Variants in TRAPPC10 observed in about 807,000 individuals in gnomAD.
The protein encoded by TRAPPC10 is trafficking protein particle complex subunit 10, also known as TRAPP 130 kDa subunit.
Under a neutral mutation model 125.5 loss-of-function variants are expected in TRAPPC10, and 23 were observed. The ratio of observed to expected loss-of-function variants is 0.18; its 90% CI spans 0.13 to 0.26. TRAPPC10 has a LOEUF of 0.26. Ranked by LOEUF, TRAPPC10 falls within the 10% of genes least tolerant of loss-of-function variation. The probability of loss-of-function intolerance (pLI) is 1.00; values close to 1 mark genes in which losing one functional copy is unlikely to be tolerated. For synonymous variants in TRAPPC10, 509 were observed against 518.0 expected, an observed-to-expected ratio of 0.98 and a Z score of 0.24; for missense variants, 1,123 against 1,308.4, an observed-to-expected ratio of 0.86 and a Z score of 2.19.
At chr21:44,046,428 C>A in intron 3 of TRAPPC10, 1 of 281,366 alleles carries the variant, frequency 3.6e-6, no homozygotes, top group South Asian at 4.6e-5. Context: ...CAATTGTAGC[C>A]TTGACAAGAG....
intron 1 of TRAPPC10, among the ~76,000 whole-genome samples, chr21:44,022,163 C>G (rs2032580791): frequency 6.6e-6 from 1 of 151,590 alleles, no homozygotes; most frequent in African/African-American, 2.4e-5. Flanking sequence ...AGCTGGAGTG[C>G]AGTGGCACAA....
rs2038775339 is a variant in TRAPPC10 at position 44,094,244 on chromosome 21, T to A, written c.3168+11T>A. Reference sequence around the variant, plus strand: ...GTGGAAAATTTTTTTGTAAGTGATGTATTATTTTGGGAGGGTGGGGGTGAA... The same window carrying A: ...GTGGAAAATTTTTTTGTAAGTGATGAATTATTTTGGGAGGGTGGGGGTGAA... On this transcript the variant is annotated intron_variant, in intron 20 of 22. Transcript: ENST00000291574. 13 of 1,535,274 alleles carry A rather than the reference T, an allele frequency of 8.5e-6. No homozygotes were observed. Among genetic ancestry groups the A allele is most frequent in the Non-Finnish European group, 1.1e-5 (13 of 1,149,306 alleles).
rs534853890 is a variant in TRAPPC10 at position 44,082,701 on chromosome 21, G to A, written c.1724-87G>A. ...CTGCTGCTTGCTTCAGTCTGCTCTC[G>A]GTGATCTTACTGTGTCCGCGGCCTG... is the stretch of plus-strand genomic sequence containing the variant. On this transcript the variant is annotated intron_variant, in intron 13 of 22. Coordinates refer to ENST00000291574, the MANE Select transcript of TRAPPC10 (RefSeq NM_003274.5). This position sits in a 1 kb window ranked among gnomAD's most constrained non-coding sequence, Gnocchi z 4.4. 1.9e-5 allele frequency: 28 copies of A among 1,475,084 alleles called. No homozygotes were observed. Among genetic ancestry groups the A allele is most frequent in the East Asian group, 4.5e-5 (2 of 44,106 alleles). 91.4% of individuals were successfully genotyped at this position (1,475,084 alleles called of 1,614,324 possible). A position where few individuals can be genotyped will look rare whatever the true frequency, so the allele number is the denominator to read the frequency against.
At chr21:44,019,662 C>T (rs1313631680) in intron 1 of TRAPPC10, among the ~76,000 whole-genome samples, 1 of 152,174 alleles carries the variant, frequency 6.6e-6, no homozygotes, top group African/African-American at 2.4e-5. Flanking sequence ...GGGATAATCA[C>T]ATCTTGAGCT....
At chr21:44,070,092 G>A (rs1646602004) in intron 7 of TRAPPC10, among the ~76,000 whole-genome samples, 1 of 152,150 alleles carries the variant, frequency 6.6e-6, no homozygotes. Context: ...GGAGGGGCTG[G>A]TGACTGGCAG....
chr21:44,072,300 C>T (rs940388861), intron 7 of TRAPPC10, among the ~76,000 whole-genome samples: 1 of 152,200 alleles, frequency 6.6e-6, no homozygotes, highest in African/African-American at 2.4e-5. Context: ...GGTCGCGGAG[C>T]GGCCCTCGTG....
At chr21:44,068,202 A>G (rs2036593641) in intron 7 of TRAPPC10, among the ~76,000 whole-genome samples, 1 of 151,944 alleles carries the variant, frequency 6.6e-6, no homozygotes, top group South Asian at 2.1e-4. Context: ...TAGGCACTGT[A>G]TTTTCAGCAG....
At chr21:44,093,624 G>A (rs965369367) in intron 19 of TRAPPC10, among the ~76,000 whole-genome samples, 5 of 152,028 alleles carry the variant, frequency 3.3e-5, no homozygotes, top group Admixed American at 3.3e-4. Flanking sequence ...TGGGCATGGC[G>A]GCGTGCATCT....
In TRAPPC10 at chr21:44,083,269, A is replaced by G; in HGVS notation, c.2205A>G (p.Glu735=). Reference sequence around the variant, plus strand: ...TGAGGTGCAGCCACGTGACCCTGGAACCAGGGGCCAACCAGATAACATTCA... The same window carrying G: ...TGAGGTGCAGCCACGTGACCCTGGAGCCAGGGGCCAACCAGATAACATTCA... ...HVLRCSHVTL[E]PGANQITFRT... The change falls in exon 14 of 23, where the codon GAA becomes GAG. Residue 735 remains glutamate (E), a synonymous_variant. Transcript: ENST00000291574. 6.2e-7 allele frequency: 1 copy of G among 1,614,032 alleles called. No homozygotes were observed. The highest frequency in any genetic ancestry group is 8.5e-7 in the Non-Finnish European group (1 of 1,179,990).
intron 1 of TRAPPC10, among the ~76,000 whole-genome samples, chr21:44,018,354 G>C (rs1162427008): frequency 1.3e-5 from 2 of 151,318 alleles, no homozygotes; most frequent in Non-Finnish European, 1.5e-5. Context: ...GCAGTGATCT[G>C]TGATTGTACC....
At chr21:44,014,109 A>G (rs892927823) in intron 1 of TRAPPC10, among the ~76,000 whole-genome samples, 2 of 152,076 alleles carry the variant, frequency 1.3e-5, no homozygotes, top group African/African-American at 2.4e-5. Context: ...TTTATCTTCT[A>G]CCTCCTAGCT....
chr21:44,062,329 A>G (rs997277796), intron 6 of TRAPPC10, among the ~76,000 whole-genome samples: 2 of 152,192 alleles, frequency 1.3e-5, no homozygotes, highest in African/African-American at 4.8e-5. Flanking sequence ...TTTTTTTATG[A>G]TGCTTACATG....
intron 14 of TRAPPC10, among the ~76,000 whole-genome samples, chr21:44,083,796 A>G (rs915138006): frequency 3.3e-5 from 5 of 152,180 alleles, no homozygotes; most frequent in African/African-American, 9.7e-5. Flanking sequence ...AAGTACAGCT[A>G]TTTGTCACAT....
intron 1 of TRAPPC10, among the ~76,000 whole-genome samples, chr21:44,014,139 A>G (rs2031524197): frequency 6.6e-6 from 1 of 152,222 alleles, no homozygotes; most frequent in African/African-American, 2.4e-5. Flanking sequence ...TTCAATAGCA[A>G]TATGTATTTA....
chr21:44,033,480 A>T (rs1043669532), intron 2 of TRAPPC10, among the ~76,000 whole-genome samples: 2 of 152,276 alleles, frequency 1.3e-5, no homozygotes, highest in Admixed American at 1.3e-4. Flanking sequence ...TAGCAAATGG[A>T]GTAATCTGTA....
At chr21:44,101,137 C>G (rs917066459) in intron 21 of TRAPPC10, among the ~76,000 whole-genome samples, 1 of 72,444 alleles carries the variant, frequency 1.4e-5, no homozygotes, top group Admixed American at 1.5e-4. Context: ...GCCTGGGCAA[C>G]GAGCAAAACT....
chr21:44,067,997 G>A (rs768815580), intron 7 of TRAPPC10, among the ~76,000 whole-genome samples: 2 of 152,010 alleles, frequency 1.3e-5, no homozygotes, highest in Admixed American at 6.6e-5. Flanking sequence ...GCAGGCGCCT[G>A]TAATCCCAGC....
At chr21:44,013,274 G>C (rs998261412) in intron 1 of TRAPPC10, among the ~76,000 whole-genome samples, 3 of 152,186 alleles carry the variant, frequency 2.0e-5, no homozygotes, top group Non-Finnish European at 4.4e-5. Flanking sequence ...TTCTGTTACG[G>C]GAAAAATGTT....
intron 13 of TRAPPC10, among the ~76,000 whole-genome samples, chr21:44,081,005 CTTTTTTTTTTTCT>C (rs2037676894): frequency 3.9e-5 from 4 of 103,870 alleles, no homozygotes; most frequent in African/African-American, 9.5e-5. Flanking sequence ...TATTATTGTT[CTTTTTTTTTTTCT>C]TTTTTTTTTT....
Sources: allele counts gnomAD v4.1 joint callset (sites outside exome capture counted in the v4.1 genomes callset), GRCh38; gene constraint gnomAD v4.1.1; non-coding constraint Gnocchi (gnomAD v3.1); transcripts MANE v1.5; gene names NCBI Gene and HGNC (gene_info 2026-07-23, HGNC 2026-07-21).